The following CACNA2D3 variants were observed in gnomAD, a reference collection of about 807,000 sequenced individuals.
The protein encoded by CACNA2D3 is calcium voltage-gated channel auxiliary subunit alpha2delta 3.
In CACNA2D3, 60 loss-of-function variants were observed where a neutral mutation model predicts 160.6. The observed-to-expected ratio is 0.37, with a 90% CI of 0.30 to 0.46. The LOEUF (loss-of-function observed/expected upper bound fraction) is 0.46, where lower values mean the gene tolerates loss of function less well. CACNA2D3 is among the 20% of genes least tolerant of loss of function. The pLI, the probability that CACNA2D3 is intolerant of heterozygous loss-of-function variation, is 1.00. For missense variants in CACNA2D3, 1,205 were observed against 1,365.0 expected, an observed-to-expected ratio of 0.88 and a Z score of 1.85; for synonymous variants, 558 against 492.9, an observed-to-expected ratio of 1.13 and a Z score of -1.75.
intron 9 of CACNA2D3, among the ~76,000 whole-genome samples, chr3:54,602,045 C>G (rs1703069036): frequency 6.6e-6 from 1 of 152,058 alleles, no homozygotes; most frequent in Non-Finnish European, 1.5e-5. Context: ...AAAAAAATGT[C>G]CATAAATGCA....
chr3:54,217,162 A>G (rs146134168), intron 2 of CACNA2D3, among the ~76,000 whole-genome samples: 2 of 152,116 alleles, frequency 1.3e-5, no homozygotes, highest in Non-Finnish European at 2.9e-5. Context: ...GGGAGGGAGG[A>G]AGGAGTGTGT....
chr3:55,025,634 CAAAAAAAAAAAA>C (rs10717273), intron 35 of CACNA2D3, among the ~76,000 whole-genome samples: 3 of 63,280 alleles, frequency 4.7e-5, no homozygotes, highest in South Asian at 8.3e-4. Flanking sequence ...ACTCTATCTC[CAAAAAAAAAAAA>C]AAAAAAAAAA....
intron 10 of CACNA2D3, 70 bp downstream of exon 10, chr3:54,627,946 G>A: frequency 9.6e-7 from 1 of 1,041,096 alleles, no homozygotes; most frequent in South Asian, 1.4e-5. Flanking sequence ...GAAAATTGTG[G>A]GCCAGGCTGG....
At chr3:54,390,101 TGA>T (rs1699254357) in intron 4 of CACNA2D3, among the ~76,000 whole-genome samples, 1 of 152,208 alleles carries the variant, frequency 6.6e-6, no homozygotes, top group African/African-American at 2.4e-5. Context: ...TCAGTTTTAC[TGA>T]GAGACAAGGG....
intron 29 of CACNA2D3, among the ~76,000 whole-genome samples, chr3:54,981,812 C>T (rs572359321): frequency 6.6e-6 from 1 of 152,252 alleles, no homozygotes; most frequent in Non-Finnish European, 1.5e-5. Flanking sequence ...ACTTGCCCCC[C>T]CATTGGGTCC....
chr3:54,830,069 G>A (rs999892549), intron 14 of CACNA2D3, among the ~76,000 whole-genome samples: 2 of 150,480 alleles, frequency 1.3e-5, no homozygotes, highest in African/African-American at 4.9e-5. Flanking sequence ...TCAGCCTCCT[G>A]AGTAGCTGGG....
intron 2 of CACNA2D3, among the ~76,000 whole-genome samples, chr3:54,247,944 A>G (rs1457738711): frequency 1.3e-5 from 2 of 152,200 alleles, no homozygotes; most frequent in African/African-American, 4.8e-5. Context: ...TATTTGGTAA[A>G]TAAAATATTC....
At chr3:54,234,789 A>T (rs972522859) in intron 2 of CACNA2D3, among the ~76,000 whole-genome samples, 2 of 152,174 alleles carry the variant, frequency 1.3e-5, no homozygotes, top group Non-Finnish European at 2.9e-5. Context: ...GTTCTCACTT[A>T]TAAGTGGGAG....
intron 2 of CACNA2D3, among the ~76,000 whole-genome samples, chr3:54,133,720 G>A (rs1483767878): frequency 1.3e-5 from 2 of 152,178 alleles, no homozygotes; most frequent in Admixed American, 6.5e-5. Flanking sequence ...TTGAGGGTCA[G>A]CCCTCCCCTC....
intron 18 of CACNA2D3, among the ~76,000 whole-genome samples, chr3:54,872,698 A>G (rs923241399): frequency 3.3e-5 from 5 of 152,180 alleles, no homozygotes; most frequent in South Asian, 2.1e-4. Flanking sequence ...AAAATGTGAG[A>G]GCCATACCTG....
At chr3:54,469,023 C>T (rs886766479) in intron 4 of CACNA2D3, among the ~76,000 whole-genome samples, 3 of 152,220 alleles carry the variant, frequency 2.0e-5, no homozygotes, top group Admixed American at 6.5e-5. Context: ...AATGTTCCCG[C>T]CTGCCGGCTC....
rs569512913 is a variant in CACNA2D3 at position 55,007,917 on chromosome 3, T to G, written c.2819+75T>G. The G allele has an allele frequency of 2.8e-5, 27 of 951,312 alleles. No individual in the cohort carries two copies. The South Asian group carries it at 4.5e-4, about 16-fold the overall frequency. The allele number at this position is 951,312 out of a possible 1,614,324, so 58.9% of individuals were successfully genotyped here. A position where few individuals can be genotyped will look rare whatever the true frequency, so the allele number is the denominator to read the frequency against. On this transcript the variant is annotated intron_variant, in intron 33 of 37. Transcript: ENST00000474759. ...TTGTATCATAAAGTGATCTAAGAGA[T>G]TGTGAGTCATGCCTTCAATAACCAT... is the stretch of plus-strand genomic sequence containing the variant.
intron 10 of CACNA2D3, among the ~76,000 whole-genome samples, chr3:54,634,991 G>T (rs662982): frequency 2.0e-5 from 3 of 151,598 alleles, no homozygotes; most frequent in East Asian, 1.9e-4. Flanking sequence ...GTTGGGGCGG[G>T]GAAAATTTTT....
intron 2 of CACNA2D3, among the ~76,000 whole-genome samples, chr3:54,243,433 C>A (rs1371706519): frequency 1.3e-5 from 2 of 152,158 alleles, no homozygotes; most frequent in Non-Finnish European, 2.9e-5. Flanking sequence ...TCATGACTTT[C>A]CTGATCTCAA....
chr3:54,495,504 T>G (rs1339687975), intron 4 of CACNA2D3, among the ~76,000 whole-genome samples: 1 of 152,134 alleles, frequency 6.6e-6, no homozygotes, highest in Non-Finnish European at 1.5e-5. Context: ...ATCCCAGCAC[T>G]TTGGGAGGCT....
intron 35 of CACNA2D3, among the ~76,000 whole-genome samples, chr3:55,020,417 T>C (rs1002389605): frequency 6.7e-6 from 1 of 149,218 alleles, no homozygotes; most frequent in Non-Finnish European, 1.5e-5. Flanking sequence ...TATGTATATG[T>C]ATTATACATA....
At chr3:54,161,290 G>A (rs996049070) in intron 2 of CACNA2D3, among the ~76,000 whole-genome samples, 1 of 152,168 alleles carries the variant, frequency 6.6e-6, no homozygotes, top group African/African-American at 2.4e-5. Context: ...CACTGCCGTG[G>A]CCATACCATT....
chr3:54,671,153 T>A (rs1341543587), intron 11 of CACNA2D3, among the ~76,000 whole-genome samples: 1 of 151,612 alleles, frequency 6.6e-6, no homozygotes, highest in East Asian at 1.9e-4. Flanking sequence ...AGAAGGCCCA[T>A]CCTCCATTTT....
chr3:54,351,351 G>C (rs1440535225), intron 3 of CACNA2D3, among the ~76,000 whole-genome samples: 1 of 152,030 alleles, frequency 6.6e-6, no homozygotes, highest in Admixed American at 6.6e-5. Context: ...TCCTGCTGCT[G>C]CTTGCCGCCA....
Sources: allele counts gnomAD v4.1 joint callset (sites outside exome capture counted in the v4.1 genomes callset), GRCh38; gene constraint gnomAD v4.1.1; transcripts MANE v1.5; gene names NCBI Gene and HGNC (gene_info 2026-07-23, HGNC 2026-07-21).